FABP6: variants seen among roughly 807,000 people sequenced by gnomAD.
The protein encoded by FABP6 is fatty acid binding protein 6.
A neutral mutation model predicts 14.9 loss-of-function variants in FABP6; 13 were observed. That is an observed-to-expected ratio of 0.87 (90% CI 0.57 to 1.39). The LOEUF is 1.39. Ranked by LOEUF, FABP6 falls within the 40% of genes most tolerant of loss-of-function variation. The pLI is 0.00. For synonymous variants in FABP6, 75 were observed against 63.6 expected (o/e 1.18, Z -0.85); for missense variants, 161 against 167.2 (o/e 0.96, Z 0.20).
At chr5:160,221,853 C>T (rs930432890) in intron 3 of FABP6, among the ~76,000 whole-genome samples, 3 of 152,220 alleles carry the variant, frequency 2.0e-5, no homozygotes, top group Non-Finnish European at 2.9e-5. Context: ...AGGATATGCA[C>T]AAATATGTTT....
intron 3 of FABP6, among the ~76,000 whole-genome samples, chr5:160,223,354 CTTCCTTCT>C (rs1458843412): frequency 1.1e-5 from 1 of 93,962 alleles, no homozygotes; most frequent in African/African-American, 5.1e-5. Context: ...TCCTTCCTTC[CTTCCTTCT>C]TTCCCTCCCT....
chr5:160,189,912 G>A (rs1327596514), intron 1 of FABP6, among the ~76,000 whole-genome samples: 4 of 152,072 alleles, frequency 2.6e-5, no homozygotes, highest in Non-Finnish European at 4.4e-5. Flanking sequence ...CCAAAATTTC[G>A]TGAGCAAAGG....
intron 1 of FABP6, among the ~76,000 whole-genome samples, chr5:160,230,251 G>A (rs968367469): frequency 2.6e-5 from 4 of 152,150 alleles, no homozygotes; most frequent in Non-Finnish European, 5.9e-5. Context: ...TGGAAAACTT[G>A]AGGCCCAGGG....
At chr5:160,227,857 T>C (rs1010777059), upstream of FABP6, among the ~76,000 whole-genome samples, 1 of 151,616 alleles carries the variant, frequency 6.6e-6, no homozygotes, top group African/African-American at 2.4e-5. Context: ...TGTGTCTGTC[T>C]GTCTGTCTGT....
chr5:160,222,107 T>TTC (rs1760141569), intron 3 of FABP6, among the ~76,000 whole-genome samples: 1 of 150,912 alleles, frequency 6.6e-6, no homozygotes, highest in South Asian at 2.1e-4. Flanking sequence ...TTTTTTTTTT[T>TTC]TTTTTAGACA....
At chr5:160,207,688 A>G (rs1759797052) in intron 2 of FABP6, among the ~76,000 whole-genome samples, 1 of 151,574 alleles carries the variant, frequency 6.6e-6, no homozygotes, top group South Asian at 2.1e-4. Flanking sequence ...CAATAGTTAC[A>G]TATGAGAGAC....
intron 2 of FABP6, among the ~76,000 whole-genome samples, chr5:160,211,563 A>G (rs1207239906): frequency 6.6e-6 from 1 of 152,130 alleles, no homozygotes; most frequent in African/African-American, 2.4e-5. Context: ...CCAAGCTGGG[A>G]CTTTGAGTCA....
intron 3 of FABP6, among the ~76,000 whole-genome samples, chr5:160,219,456 C>T (rs1386296586): frequency 1.3e-5 from 2 of 152,146 alleles, no homozygotes; most frequent in Non-Finnish European, 2.9e-5. Flanking sequence ...TTCATTCACC[C>T]CTCCGGGGAG....
chr5:160,210,268 G>A lies in FABP6; in HGVS notation c.52-3468G>A, dbSNP rs538978028. Reference sequence around the variant, plus strand: ...TTCTGGCACCCAGTGATGACCTTGGGAGCCCAGTGGCTTCACCTCTGTGAA... The same window carrying A: ...TTCTGGCACCCAGTGATGACCTTGGAAGCCCAGTGGCTTCACCTCTGTGAA... On this transcript the variant is annotated intron_variant, in intron 2 of 6. Transcript: ENST00000393980. Among the ~76,000 whole-genome samples, 34 of 152,320 alleles carry A rather than the reference G, an allele frequency of 2.2e-4. 1 individual carries two copies. Among genetic ancestry groups the A allele is most frequent in the African/African-American group, 8.2e-4 (34 of 41,568 alleles).
chr5:160,231,932 G>A (rs965077117), intron 1 of FABP6, 166 bp from the exon 2 acceptor site: 2 of 676,620 alleles, frequency 3.0e-6, no homozygotes, highest in Non-Finnish European at 4.9e-6. Context: ...CAGCCACATG[G>A]CTCACAGCAC....
chr5:160,191,665 T>C (rs1287898560), intron 1 of FABP6, among the ~76,000 whole-genome samples: 3 of 151,972 alleles, frequency 2.0e-5, no homozygotes, highest in Non-Finnish European at 4.4e-5. Context: ...AGGCTGGTGT[T>C]GAGATCCTGG....
chr5:160,227,507 C>T (rs999348899), upstream of FABP6, among the ~76,000 whole-genome samples: 2 of 123,088 alleles, frequency 1.6e-5, no homozygotes, highest in African/African-American at 3.3e-5. Context: ...GCCTCGGCAA[C>T]GGAGGGAGAC....
rs144081714 is a variant in FABP6 at position 160,223,387 on chromosome 5, C to CTCCT, written c.136-6136_136-6133dup. Reference sequence around the variant, plus strand: ...TTTCCCTCCCTCCCTCCCTCCCTCTCTCCTTCCTTCCTTCCTTCCTTCCTT... The same window carrying CTCCT: ...TTTCCCTCCCTCCCTCCCTCCCTCTCTCCTTCCTTCCTTCCTTCCTTCCTTCCTT... On this transcript the variant is annotated intron_variant, in intron 3 of 6. Transcript: ENST00000393980. Among the ~76,000 whole-genome samples the CTCCT allele has an allele frequency of 7.5e-4, 79 of 105,968 alleles. 1 individual carries two copies. The highest frequency in any genetic ancestry group is 1.2e-3 in the Non-Finnish European group (66 of 55,618). 69.5% of individuals were successfully genotyped at this position (105,968 alleles called of 152,430 possible).
At chr5:160,213,976 TA>T (rs1358773855) in intron 3 of FABP6, among the ~76,000 whole-genome samples, 1 of 152,202 alleles carries the variant, frequency 6.6e-6, no homozygotes, top group Non-Finnish European at 1.5e-5. Flanking sequence ...TTGTTGTTTT[TA>T]TAGGTCAAAA....
intron 2 of FABP6, among the ~76,000 whole-genome samples, chr5:160,212,702 C>T (rs896921351): frequency 4.6e-5 from 7 of 152,232 alleles, no homozygotes; most frequent in Non-Finnish European, 1.0e-4. Context: ...ATCTCCTGAC[C>T]TTGTGAGCCG....
At chr5:160,224,669 C>T (rs985255620), upstream of FABP6, among the ~76,000 whole-genome samples, 4 of 152,076 alleles carry the variant, frequency 2.6e-5, no homozygotes, top group African/African-American at 7.2e-5. Context: ...TGGCTCACAC[C>T]TATAATCCCA....
At chr5:160,190,096 T>C (rs10039991) in intron 1 of FABP6, among the ~76,000 whole-genome samples, 34,393 of 152,190 alleles carry the variant, frequency 0.23, 3,924 homozygotes, top group South Asian at 0.25. Context: ...AACTTGCCTC[T>C]GAACAAACTT....
intron 2 of FABP6, among the ~76,000 whole-genome samples, chr5:160,200,647 C>T (rs1294744573): frequency 6.6e-6 from 1 of 152,156 alleles, no homozygotes; most frequent in African/African-American, 2.4e-5. Context: ...CTCCTGACCT[C>T]AGGTGATCCA....
At chr5:160,232,995 T>C (rs1196312321) in intron 2 of FABP6, among the ~76,000 whole-genome samples, 2 of 151,376 alleles carry the variant, frequency 1.3e-5, no homozygotes, top group Non-Finnish European at 2.9e-5. Flanking sequence ...AGTGTTTTTT[T>C]TTTTTTATTC....
Sources: gnomAD v4.1 joint callset for allele counts (sites outside exome capture counted in the v4.1 genomes callset) on GRCh38, gnomAD v4.1.1 for gene constraint, MANE v1.5 for transcripts, NCBI Gene and HGNC (gene_info 2026-07-23, HGNC 2026-07-21) for gene names.